GNB2: variants seen among roughly 807,000 people sequenced by gnomAD.
The protein encoded by GNB2 is G protein subunit beta 2, also known as guanine nucleotide-binding protein G(I)/G(S)/G(T) subunit beta-2.
Under a neutral mutation model 40.7 loss-of-function variants are expected in GNB2, and 7 were observed. The ratio of observed to expected loss-of-function variants is 0.17; its 90% CI spans 0.10 to 0.32. The LOEUF is 0.32. Ranked by LOEUF, GNB2 falls within the 10% of genes least tolerant of loss-of-function variation. The pLI, the probability that GNB2 is intolerant of heterozygous loss-of-function variation, is 1.00. For missense variants in GNB2, 286 were observed against 473.0 expected (o/e 0.60, Z 3.67); for synonymous variants, 254 against 191.2 (o/e 1.33, Z -2.71).
At position 100,678,345 on chromosome 7, in the gene GNB2, C is replaced by A. The variant is rs2272574; in HGVS notation, c.699+46C>A. ...GGCCAGGCCCTCCCCACCAGGCTCC[C>A]GGCCCTGCTCCTCACCCTCACCCTC... is the stretch of plus-strand genomic sequence containing the variant. On this transcript the variant is annotated intron_variant, in intron 8 of 9. Coordinates refer to ENST00000303210, the MANE Select transcript of GNB2 (RefSeq NM_005273.4). The A allele has an allele frequency of 6.2e-6, 10 of 1,601,386 alleles. No homozygotes were observed. The Admixed American group carries it at 1.2e-4, about 19-fold the overall frequency.
chr7:100,678,044 ACT>A (rs1237463664), intron 7 of GNB2, 52 bp from the exon 8 acceptor site: 2 of 1,401,886 alleles, frequency 1.4e-6, no homozygotes, highest in African/African-American at 2.8e-5. Context: ...GAGAACAGGG[ACT>A]CTGTTCTTCG....
At chr7:100,676,947 G>A in intron 4 of GNB2, 148 bp downstream of exon 4, 1 of 610,996 alleles carries the variant, frequency 1.6e-6, no homozygotes, top group Non-Finnish European at 2.9e-6. Flanking sequence ...CGCCAGACCT[G>A]GACAGGCAGG....
At position 100,679,029 on chromosome 7, in the gene GNB2, C is replaced by G; in HGVS notation, c.*228C>G. The G allele has an allele frequency of 1.9e-6, 1 of 538,128 alleles. No individual in the cohort carries two copies. Among genetic ancestry groups the G allele is most frequent in the Non-Finnish European group, 3.3e-6 (1 of 301,998 alleles). 33.3% of individuals were successfully genotyped at this position (538,128 alleles called of 1,614,324 possible). A position where few individuals can be genotyped will look rare whatever the true frequency, so the allele number is the denominator to read the frequency against. The stretch of plus-strand genomic sequence containing the variant: ...CAGGAGGCCCTCATCCTTCTGCTGC[C>G]CTGGGGTTGGGGCCTCACCCCTCTG... On this transcript the variant is annotated 3_prime_UTR_variant, in exon 10 of 10. Coordinates refer to ENST00000303210, the MANE Select transcript of GNB2 (RefSeq NM_005273.4).
Position 100,677,834 on chromosome 7 carries a change from G to A in GNB2, c.497+16G>A, listed in dbSNP as rs1160610438. ...ATACCACCTGGTGAGGCTCTGCCAG[G>A]GCTGGGCAGTCTGGGCAAACCCACA... On this transcript the variant is annotated intron_variant, in intron 7 of 9. Coordinates refer to ENST00000303210, the MANE Select transcript of GNB2 (RefSeq NM_005273.4). 1 of 1,610,638 alleles carries A rather than the reference G, an allele frequency of 6.2e-7. No individual in the cohort carries two copies. Among genetic ancestry groups the A allele is most frequent in the African/African-American group, 1.3e-5 (1 of 74,882 alleles).
At chr7:100,676,151 C>T in intron 1 of GNB2, 26 bp from the exon 2 acceptor site, 2 of 621,062 alleles carry the variant, frequency 3.2e-6, no homozygotes, top group Non-Finnish European at 2.8e-6. Flanking sequence ...CGGCCTCGGG[C>T]CTGACGTCAG....
In GNB2 at chr7:100,678,095, C is replaced by T. The variant is rs1477614294; in HGVS notation, c.498-3C>T. 6.2e-7 allele frequency: 1 copy of T among 1,607,986 alleles called. No individual in the cohort carries two copies. On this transcript the variant is annotated splice_region_variant and splice_polypyrimidine_tract_variant and intron_variant, in intron 7 of 9. Transcript: ENST00000303210. ...CTTTTCTTTCTTCCTGTCACCTCTC[C>T]AGTGCCCTGTGGGACATTGAGACAG...
rs367625456 is a variant in GNB2, at chr7:100,678,666, A to G, written c.917-29A>G. On this transcript the variant is annotated intron_variant, in intron 9 of 9. Transcript: ENST00000303210. ...GGCAGGGACCTGGAGCCCAGGCCCA[A>G]TGGGTTCTGACTTCTCTCTTCTTCA... The G allele has an allele frequency of 1.2e-4, 188 of 1,609,426 alleles. No individual in the cohort carries two copies. The highest frequency in any genetic ancestry group is 1.4e-4 in the Non-Finnish European group (163 of 1,176,248).
intron 1 of GNB2, 30 bp from the exon 2 acceptor site, chr7:100,676,146 TC>T (rs1804341638): frequency 1.7e-6 from 1 of 584,012 alleles, no homozygotes; most frequent in Non-Finnish European, 3.0e-6. Flanking sequence ...CCCGGCGGCC[TC>T]GGGCCTGACG....
At chr7:100,675,231 GGA>G (rs1227317040) in intron 1 of GNB2, 1 of 151,584 alleles carries the variant, frequency 6.6e-6, no homozygotes, top group African/African-American at 2.4e-5. Context: ...CCCGCGCCTG[GGA>G]GAGAGCACCT....
intron 4 of GNB2, 38 bp from the exon 5 acceptor site, chr7:100,677,314 C>T (rs370503918): frequency 1.9e-5 from 30 of 1,561,794 alleles, no homozygotes; most frequent in Admixed American, 1.0e-4. Flanking sequence ...CTTGTTTTCA[C>T]GCCACCCTTC....
intron 4 of GNB2, 200 bp downstream of exon 4, chr7:100,676,999 C>G (rs922723034): frequency 5.0e-6 from 3 of 598,018 alleles, no homozygotes; most frequent in Non-Finnish European, 5.9e-6. Flanking sequence ...TGGAGACTGT[C>G]TCTCAGGTGG....
chr7:100,678,668 G>A (rs893589422), intron 9 of GNB2, 27 bp from the exon 10 acceptor site: 5 of 1,609,636 alleles, frequency 3.1e-6, no homozygotes, highest in Non-Finnish European at 4.3e-6. Flanking sequence ...CAGGCCCAAT[G>A]GGTTCTGACT....
At position 100,677,393 on chromosome 7, in the gene GNB2, G is replaced by C; in HGVS notation, c.245G>C (p.Trp82Ser). 1 of 1,613,932 alleles carries C rather than the reference G, an allele frequency of 6.2e-7. No homozygotes were observed. The highest frequency in any genetic ancestry group is 8.5e-7 in the Non-Finnish European group (1 of 1,179,950). The change falls in exon 5 of 10, where the codon TGG becomes TCG. Residue 82 changes from tryptophan (W) to serine (S), a missense_variant. Transcript: ENST00000303210. Reference sequence around the variant, plus strand: ...TCCCAGGATGGGAAGCTCATCATCTGGGACAGCTACACCACCAACAAGGTA... The same window carrying C: ...TCCCAGGATGGGAAGCTCATCATCTCGGACAGCTACACCACCAACAAGGTA... Reference protein sequence around the residue: ...SASQDGKLIIWDSYTTNKVHA... With the variant: ...SASQDGKLIISDSYTTNKVHA...
At position 100,677,425 on chromosome 7, in the gene GNB2, C is replaced by T. The variant is rs758399359; in HGVS notation, c.267+10C>T. On this transcript the variant is annotated intron_variant, in intron 5 of 9. Transcript: ENST00000303210. ...CTACACCACCAACAAGGTAGGGTGG[C>T]GCGGGCTGCGGGGTGGGGCAGGGCC... 4.1e-5 allele frequency: 66 copies of T among 1,613,320 alleles called. No homozygotes were observed. The highest frequency in any genetic ancestry group is 6.7e-5 in the African/African-American group (5 of 74,952).
At chr7:100,676,365 C>T (rs1338353175) in intron 2 of GNB2, 43 bp downstream of exon 2, 4 of 1,538,786 alleles carry the variant, frequency 2.6e-6, no homozygotes, top group Admixed American at 1.7e-5. Context: ...TGTACACCGC[C>T]CGGTGCCCTG....
rs776126189 is a variant in GNB2, at chr7:100,678,393, T to C, written c.700-5T>C. On this transcript the variant is annotated splice_polypyrimidine_tract_variant and splice_region_variant and intron_variant, in intron 8 of 9. Transcript: ENST00000303210. ...CTCACCCCATCTGGGTCCCGTGTCC[T>C]GCAGTTCTTCCCCAACGGCTACGCC... 1 of 1,612,250 alleles carries C rather than the reference T, an allele frequency of 6.2e-7. No individual in the cohort carries two copies. The highest frequency in any genetic ancestry group is 8.5e-7 in the Non-Finnish European group (1 of 1,179,110).
chr7:100,675,270 T>C (rs1345433567), intron 1 of GNB2: 1 of 151,704 alleles, frequency 6.6e-6, no homozygotes, highest in Admixed American at 6.6e-5. Flanking sequence ...GGGACCTCGT[T>C]GCGGAGCCGT....
chr7:100,676,644 C>CA, intron 3 of GNB2, 49 bp from the exon 4 acceptor site: 1 of 1,538,648 alleles, frequency 6.5e-7, no homozygotes, highest in Non-Finnish European at 9.0e-7. Flanking sequence ...CTGCCCTCTG[C>CA]AGTCCTGCTG....
At chr7:100,677,901 G>A in intron 7 of GNB2, 83 bp downstream of exon 7, 1 of 1,262,122 alleles carries the variant, frequency 7.9e-7, no homozygotes, top group East Asian at 2.3e-5. Context: ...TCAACATGCA[G>A]CATGCACCGT....
Sources: allele counts gnomAD v4.1 joint callset, GRCh38; gene constraint gnomAD v4.1.1; transcripts MANE v1.5; gene names NCBI Gene and HGNC (gene_info 2026-07-23, HGNC 2026-07-21).